SRD5A3: variants seen among roughly 807,000 people sequenced by gnomAD.
SRD5A3 encodes polyprenal reductase.
SRD5A3 carries 24 observed loss-of-function variants against 34.3 expected under a neutral mutation model. The observed-to-expected ratio is 0.70, with a 90% CI of 0.51 to 0.99. The LOEUF (loss-of-function observed/expected upper bound fraction) is 0.99, where lower values mean the gene tolerates loss of function less well. SRD5A3 is among the 50% of genes least tolerant of loss of function. The pLI, the probability that SRD5A3 is intolerant of heterozygous loss-of-function variation, is 0.00. For synonymous variants in SRD5A3, 161 were observed against 167.3 expected (o/e 0.96, Z 0.29); for missense variants, 350 against 388.2 (o/e 0.90, Z 0.83).
chr4:55,367,731 T>G lies in SRD5A3; in HGVS notation c.697+9T>G. ...CAGGAAAAATAAAGCAGGTGAGACC[T>G]CTTTTAGAGCCTCTGCATATGGATT... On this transcript the variant is annotated intron_variant, in intron 4 of 4. Coordinates refer to ENST00000264228, the MANE Select transcript of SRD5A3 (RefSeq NM_024592.5). 1 of 1,614,084 alleles carries G rather than the reference T, an allele frequency of 6.2e-7. No individual in the cohort carries two copies.
intron 4 of SRD5A3, among the ~76,000 whole-genome samples, chr4:55,368,069 T>C (rs1157095360): frequency 6.6e-6 from 1 of 152,140 alleles, no homozygotes; most frequent in Non-Finnish European, 1.5e-5. Context: ...TTCCATTAGG[T>C]TTTTTGAAAT....
chr4:55,353,217 G>A (rs1364593047), intron 1 of SRD5A3, among the ~76,000 whole-genome samples: 1 of 152,166 alleles, frequency 6.6e-6, no homozygotes, highest in Non-Finnish European at 1.5e-5. Context: ...TGGGGACTTA[G>A]GGAACTTTTC....
At chr4:55,350,729 C>T (rs1036921287) in intron 1 of SRD5A3, among the ~76,000 whole-genome samples, 2 of 150,920 alleles carry the variant, frequency 1.3e-5, no homozygotes, top group African/African-American at 2.4e-5. Flanking sequence ...TTCTTCCTGT[C>T]TGAGATTTCG....
chr4:55,369,030 C>T (rs148683018), intron 4 of SRD5A3, among the ~76,000 whole-genome samples: 6 of 152,280 alleles, frequency 3.9e-5, no homozygotes, highest in East Asian at 3.9e-4. Flanking sequence ...TAAGCTACCG[C>T]GCCCAGCCAA....
At chr4:55,349,373 A>G (rs1719107144) in intron 1 of SRD5A3, among the ~76,000 whole-genome samples, 1 of 152,208 alleles carries the variant, frequency 6.6e-6, no homozygotes, top group African/African-American at 2.4e-5. Context: ...TAAGTTCATA[A>G]TTGCTACAGT....
intron 2 of SRD5A3, among the ~76,000 whole-genome samples, chr4:55,362,105 G>A (rs1578208600): frequency 6.6e-6 from 1 of 151,944 alleles, no homozygotes; most frequent in Non-Finnish European, 1.5e-5. Flanking sequence ...CCTACACTAG[G>A]GGGTGCTGTT....
In SRD5A3 at chr4:55,346,245, C is replaced by T. The variant is rs1264969447; in HGVS notation, c.-92C>T. On this transcript the variant is annotated 5_prime_UTR_variant, in exon 1 of 5. Transcript: ENST00000264228. ...GCCGCGTCACCGACGTCCCGCTAGG[C>T]TGAGACCGGTGCGCCGCGCGCTAGT... 3.3e-6 allele frequency: 4 copies of T among 1,205,390 alleles called. No homozygotes were observed. In the East Asian group the frequency reaches 1.3e-4, roughly 39 times the overall value. The allele number at this position is 1,205,390 out of a possible 1,614,324, so 74.7% of individuals were successfully genotyped here. A position where few individuals can be genotyped will look rare whatever the true frequency, so the allele number is the denominator to read the frequency against.
At chr4:55,360,069 G>A (rs534787439) in intron 2 of SRD5A3, among the ~76,000 whole-genome samples, 1 of 151,996 alleles carries the variant, frequency 6.6e-6, no homozygotes, top group Non-Finnish European at 1.5e-5. Flanking sequence ...AAAAAAGTTA[G>A]CTGGGCATGG....
chr4:55,369,319 T>C (rs1168227944), intron 4 of SRD5A3, among the ~76,000 whole-genome samples: 1 of 152,214 alleles, frequency 6.6e-6, no homozygotes, highest in Non-Finnish European at 1.5e-5. Context: ...CTGGCTTTTC[T>C]CTTGTGCTAT....
In SRD5A3 at chr4:55,367,558, A is replaced by C. The variant is rs758028694; in HGVS notation, c.563-30A>C. 1.9e-6 allele frequency: 3 copies of C among 1,612,456 alleles called. No homozygotes were observed. In the South Asian group the frequency reaches 3.3e-5, roughly 18 times the overall value. ...ATTCCCTGAGCCTGTGAAATTGTTT[A>C]GTGTTGGCTAACAATTCTCATTCCT... On this transcript the variant is annotated intron_variant, in intron 3 of 4. Transcript: ENST00000264228.
At chr4:55,360,009 G>C (rs923974545) in intron 2 of SRD5A3, among the ~76,000 whole-genome samples, 1 of 150,712 alleles carries the variant, frequency 6.6e-6, no homozygotes, top group Non-Finnish European at 1.5e-5. Flanking sequence ...TCAGGAGATC[G>C]AGACCATCCT....
At chr4:55,351,523 A>G (rs1719192375) in intron 1 of SRD5A3, among the ~76,000 whole-genome samples, 1 of 151,700 alleles carries the variant, frequency 6.6e-6, no homozygotes. Flanking sequence ...TACAAAAAAT[A>G]CAAAAAAAAA....
At chr4:55,353,404 A>C (rs1719274760) in intron 1 of SRD5A3, among the ~76,000 whole-genome samples, 1 of 152,174 alleles carries the variant, frequency 6.6e-6, no homozygotes, top group Admixed American at 6.5e-5. Context: ...ACTTGGTAAA[A>C]ACGGACCAAT....
At chr4:55,353,316 C>G (rs1462543392) in intron 1 of SRD5A3, among the ~76,000 whole-genome samples, 2 of 151,954 alleles carry the variant, frequency 1.3e-5, no homozygotes, top group African/African-American at 4.8e-5. Context: ...GGTTTGTAAA[C>G]GTACCAATAG....
At chr4:55,363,732 GA>G (rs1279617304) in intron 2 of SRD5A3, among the ~76,000 whole-genome samples, 1 of 152,174 alleles carries the variant, frequency 6.6e-6, no homozygotes, top group Non-Finnish European at 1.5e-5. Context: ...AGGCTACCAG[GA>G]ACGCTTCCAG....
At chr4:55,364,741 A>G in intron 3 of SRD5A3, 1 of 195,582 alleles carries the variant, frequency 5.1e-6, no homozygotes. Flanking sequence ...AAAATGAGGG[A>G]AGGGAGAGTG....
intron 3 of SRD5A3, chr4:55,367,087 T>C (rs1245665523): frequency 5.3e-6 from 1 of 188,596 alleles, no homozygotes; most frequent in Non-Finnish European, 1.1e-5. Context: ...GCTAGTCAAG[T>C]CAGCATTCTG....
chr4:55,365,573 C>G (rs550224491), intron 3 of SRD5A3: 2 of 152,400 alleles, frequency 1.3e-5, no homozygotes, highest in African/African-American at 4.8e-5. Context: ...TTGGTGACTG[C>G]TAGCTTTTAG....
intron 1 of SRD5A3, among the ~76,000 whole-genome samples, chr4:55,353,846 G>C (rs528287610): frequency 6.6e-6 from 1 of 152,158 alleles, no homozygotes; most frequent in South Asian, 2.1e-4. Context: ...ACAAACTCTG[G>C]ACACACCATT....
Sources: allele counts gnomAD v4.1 joint callset (sites outside exome capture counted in the v4.1 genomes callset), GRCh38; gene constraint gnomAD v4.1.1; transcripts MANE v1.5; gene names NCBI Gene and HGNC (gene_info 2026-07-23, HGNC 2026-07-21).